SCFD2: variants seen among roughly 807,000 people sequenced by gnomAD.
The protein encoded by SCFD2 is sec1 family domain containing 2.
Under a neutral mutation model 58.9 loss-of-function variants are expected in SCFD2, and 54 were observed. The ratio of observed to expected loss-of-function variants is 0.92; its 90% CI spans 0.74 to 1.15. The LOEUF is 1.15. Ranked by LOEUF, SCFD2 falls within the 50% of genes most tolerant of loss-of-function variation. The pLI, the probability that SCFD2 is intolerant of heterozygous loss-of-function variation, is 0.00. For missense variants in SCFD2, 805 were observed against 836.6 expected, an observed-to-expected ratio of 0.96 and a Z score of 0.47; for synonymous variants, 321 against 335.9, an observed-to-expected ratio of 0.96 and a Z score of 0.49.
chr4:53,235,746 G>A (rs1016115851), intron 4 of SCFD2, among the ~76,000 whole-genome samples: 4 of 152,164 alleles, frequency 2.6e-5, no homozygotes, highest in African/African-American at 9.7e-5. Context: ...ATGTAAGCCT[G>A]ATATGTGTGG....
chr4:52,897,111 A>T (rs1294122518), intron 7 of SCFD2, among the ~76,000 whole-genome samples: 6 of 152,236 alleles, frequency 3.9e-5, no homozygotes, highest in African/African-American at 1.4e-4. Context: ...AACAGGGACA[A>T]TTTGACTTCC....
intron 5 of SCFD2, among the ~76,000 whole-genome samples, chr4:53,056,533 T>C (rs1723345281): frequency 6.6e-6 from 1 of 152,202 alleles, no homozygotes; most frequent in Non-Finnish European, 1.5e-5. Context: ...TATCTAACTT[T>C]TTTTTTTCCA....
intron 4 of SCFD2, among the ~76,000 whole-genome samples, chr4:53,175,732 G>A (rs1727307971): frequency 6.6e-6 from 1 of 152,150 alleles, no homozygotes. Context: ...AAATGGAAAA[G>A]CACACTAGCA....
At chr4:52,897,608 C>G (rs1719057454) in intron 7 of SCFD2, among the ~76,000 whole-genome samples, 1 of 152,168 alleles carries the variant, frequency 6.6e-6, no homozygotes, top group African/African-American at 2.4e-5. Flanking sequence ...GGACATTGGT[C>G]TAAAATTCTC....
At chr4:53,105,337 GCCGTTCA>G (rs1560337724) in intron 5 of SCFD2, among the ~76,000 whole-genome samples, 1 of 151,608 alleles carries the variant, frequency 6.6e-6, no homozygotes, top group Non-Finnish European at 1.5e-5. Context: ...CCGAGACAGA[GCCGTTCA>G]CTCCCCTGGA....
chr4:53,255,357 C>T (rs888755018), intron 4 of SCFD2, among the ~76,000 whole-genome samples: 18 of 152,058 alleles, frequency 1.2e-4, no homozygotes, highest in South Asian at 4.1e-4. Context: ...GAGGACCCTG[C>T]GGCCTTCCGC....
intron 2 of SCFD2, among the ~76,000 whole-genome samples, chr4:53,346,218 T>C (rs1734054388): frequency 6.6e-6 from 1 of 151,928 alleles, no homozygotes; most frequent in Admixed American, 6.6e-5. Flanking sequence ...ATGAAGTAGA[T>C]AAGGCTTTTC....
chr4:53,109,363 C>T (rs1725101170), intron 5 of SCFD2, among the ~76,000 whole-genome samples: 1 of 152,076 alleles, frequency 6.6e-6, no homozygotes, highest in African/African-American at 2.4e-5. Flanking sequence ...GAAGTTCTGG[C>T]CAGGGCAATC....
chr4:53,096,316 T>C (rs1248498153), intron 5 of SCFD2, among the ~76,000 whole-genome samples: 2 of 152,212 alleles, frequency 1.3e-5, no homozygotes, highest in Non-Finnish European at 1.5e-5. Flanking sequence ...ATGGTTGAAC[T>C]AGTTTACAGT....
intron 5 of SCFD2, among the ~76,000 whole-genome samples, chr4:53,102,890 TACA>T (rs1270735222): frequency 6.6e-6 from 1 of 152,134 alleles, no homozygotes; most frequent in Non-Finnish European, 1.5e-5. Context: ...ATTCATTCAT[TACA>T]ACTCATTGAA....
chr4:53,303,228 G>C (rs1006999471), intron 3 of SCFD2, among the ~76,000 whole-genome samples: 6 of 152,068 alleles, frequency 3.9e-5, no homozygotes, highest in East Asian at 1.9e-4. Context: ...TATCCAGAAT[G>C]TACAATGAAC....
chr4:53,291,177 C>T (rs554858580), intron 3 of SCFD2, among the ~76,000 whole-genome samples: 3 of 152,032 alleles, frequency 2.0e-5, no homozygotes, highest in Admixed American at 2.0e-4. Flanking sequence ...TTCTGATGCA[C>T]ATTGATGTAA....
chr4:53,277,530 G>A (rs1731363259), intron 3 of SCFD2, among the ~76,000 whole-genome samples: 1 of 152,142 alleles, frequency 6.6e-6, no homozygotes, highest in Non-Finnish European at 1.5e-5. Flanking sequence ...TTGAAGGTGT[G>A]AAAGGCTCTA....
chr4:53,081,684 TATC>T (rs1314488408), intron 5 of SCFD2, among the ~76,000 whole-genome samples: 2 of 152,198 alleles, frequency 1.3e-5, no homozygotes, highest in African/African-American at 4.8e-5. Flanking sequence ...ATAATTCACA[TATC>T]ATAAAATTTA....
At chr4:53,056,882 A>T (rs1723355533) in intron 5 of SCFD2, among the ~76,000 whole-genome samples, 1 of 152,120 alleles carries the variant, frequency 6.6e-6, no homozygotes, top group African/African-American at 2.4e-5. Flanking sequence ...GGAAAGTCTG[A>T]CAAAGACAAA....
chr4:52,957,650 C>T (rs1720741802), intron 5 of SCFD2: 2 of 152,164 alleles, frequency 1.3e-5, no homozygotes, highest in African/African-American at 2.4e-5. Flanking sequence ...GGTCCCACAA[C>T]CAGAGAAAAA....
intron 7 of SCFD2, among the ~76,000 whole-genome samples, chr4:52,903,440 A>T (rs1006153251): frequency 1.3e-5 from 2 of 152,138 alleles, no homozygotes; most frequent in African/African-American, 4.8e-5. Flanking sequence ...TGAAACTGAG[A>T]TAGAAGCTTT....
rs28834413 is a variant in SCFD2, at chr4:53,291,039, C to T, written c.1136-17038G>A. On this transcript the variant is annotated intron_variant, in intron 3 of 8. Transcript: ENST00000401642. ...GTCAAGGAAGAATTATTACCAATAC[C>T]TCTTAAGCCCACACAAAAAAATTAG... 4.6e-5 allele frequency among the ~76,000 whole-genome samples: 7 copies of T among 152,164 alleles called. No individual in the cohort carries two copies. The East Asian group carries it at 1.3e-3, about 29-fold the overall frequency.
intron 6 of SCFD2, among the ~76,000 whole-genome samples, chr4:52,917,826 G>T (rs1453929362): frequency 2.0e-5 from 3 of 152,208 alleles, no homozygotes; most frequent in African/African-American, 7.2e-5. Flanking sequence ...TCTACTTTCT[G>T]CATCTGAATT....
Sources: gnomAD v4.1 joint callset for allele counts (sites outside exome capture counted in the v4.1 genomes callset) on GRCh38, gnomAD v4.1.1 for gene constraint, MANE v1.5 for transcripts, NCBI Gene and HGNC (gene_info 2026-07-23, HGNC 2026-07-21) for gene names.